DGCR2: variants seen among roughly 807,000 people sequenced by gnomAD.
DGCR2 encodes DiGeorge syndrome critical region gene 2.
Under a neutral mutation model 51.6 loss-of-function variants are expected in DGCR2, and 24 were observed. That is an observed-to-expected ratio of 0.47 (90% CI 0.34 to 0.65). The LOEUF (loss-of-function observed/expected upper bound fraction) is 0.65, where lower values mean the gene tolerates loss of function less well. Among genes scored for constraint, DGCR2 ranks in the 30% least tolerant of loss-of-function variants. DGCR2 has a pLI of 0.01. For missense variants in DGCR2, 765 were observed against 772.1 expected, an observed-to-expected ratio of 0.99 and a Z score of 0.11; for synonymous variants, 340 against 315.4, an observed-to-expected ratio of 1.08 and a Z score of -0.82.
At chr22:19,087,342 T>C (rs2083028394) in intron 2 of DGCR2, among the ~76,000 whole-genome samples, 1 of 152,146 alleles carries the variant, frequency 6.6e-6, no homozygotes, top group Non-Finnish European at 1.5e-5. Flanking sequence ...CATAATCTGA[T>C]GAAGAATGGG....
intron 2 of DGCR2, among the ~76,000 whole-genome samples, chr22:19,075,483 T>C (rs972612869): frequency 6.6e-6 from 1 of 151,700 alleles, no homozygotes; most frequent in Non-Finnish European, 1.5e-5. Context: ...AGTGGCATTA[T>C]TAAGTACCTT....
chr22:19,078,961 C>G lies in DGCR2; in HGVS notation c.202+10407G>C, dbSNP rs186527595. ...TGAAGCCATGTGGTTCAGGACTTTTCTTTGTTGAGAGGTTTTTGATTACTG... is the reference window on the plus strand; with the variant it reads ...TGAAGCCATGTGGTTCAGGACTTTTGTTTGTTGAGAGGTTTTTGATTACTG... On this transcript the variant is annotated intron_variant, in intron 2 of 9. Transcript: ENST00000263196. Among the ~76,000 whole-genome samples, 345 of 152,220 alleles carry G rather than the reference C, an allele frequency of 2.3e-3. 2 individuals carry two copies. In the Middle Eastern group the frequency reaches 0.024, roughly 11 times the overall value.
At chr22:19,046,944 A>G (rs2082496590) in intron 7 of DGCR2, 1 of 155,616 alleles carries the variant, frequency 6.4e-6, no homozygotes, top group Non-Finnish European at 1.4e-5. Flanking sequence ...GCACTGGTAG[A>G]CTCCTGAGAA....
intron 1 of DGCR2, among the ~76,000 whole-genome samples, chr22:19,092,503 G>C (rs1344061333): frequency 2.0e-5 from 3 of 152,122 alleles, no homozygotes; most frequent in African/African-American, 7.2e-5. Context: ...TTCTTTGAAA[G>C]ATGAAATGCA....
At chr22:19,096,560 A>T (rs1195794713) in intron 1 of DGCR2, among the ~76,000 whole-genome samples, 1 of 151,974 alleles carries the variant, frequency 6.6e-6, no homozygotes, top group Non-Finnish European at 1.5e-5. Flanking sequence ...AATATCATAT[A>T]TACCCCACAC....
chr22:19,040,089 A>G (rs2146299687), intron 9 of DGCR2, among the ~76,000 whole-genome samples: 1 of 152,190 alleles, frequency 6.6e-6, no homozygotes, highest in Non-Finnish European at 1.5e-5. Context: ...CCTCCCGGCC[A>G]GCCCCTCACA....
rs866508709 is a variant in DGCR2, at chr22:19,063,146, C to T, written c.625+56G>A. The T allele has an allele frequency of 2.4e-5, 37 of 1,540,596 alleles. No homozygotes were observed. The Middle Eastern group carries it at 2.4e-3, about 98-fold the overall frequency. ...GGGTAAGAGGGAGGAGGGGAGGCCC[C>T]GAATCAGGGTGACTCTGCCCAGCTT... On this transcript the variant is annotated intron_variant, in intron 5 of 9. Coordinates refer to ENST00000263196, the MANE Select transcript of DGCR2 (RefSeq NM_005137.3).
At chr22:19,063,705 C>G (rs961426618) in intron 4 of DGCR2, among the ~76,000 whole-genome samples, 2 of 152,052 alleles carry the variant, frequency 1.3e-5, no homozygotes, top group Non-Finnish European at 1.5e-5. Flanking sequence ...AAATTCAAAA[C>G]AAGAAAGTTC....
intron 5 of DGCR2, chr22:19,060,838 C>A (rs191486326): frequency 5.2e-5 from 27 of 514,298 alleles, no homozygotes; most frequent in Admixed American, 1.8e-4. Flanking sequence ...GGAGAGCGCT[C>A]CACCAAGGCG....
intron 1 of DGCR2, among the ~76,000 whole-genome samples, chr22:19,093,087 C>A (rs1361195668): frequency 1.3e-5 from 2 of 152,006 alleles, no homozygotes; most frequent in Non-Finnish European, 2.9e-5. Flanking sequence ...ATAGCCAGGC[C>A]CAGTGGCTCA....
At chr22:19,094,849 T>TA (rs1429630608) in intron 1 of DGCR2, among the ~76,000 whole-genome samples, 5 of 152,166 alleles carry the variant, frequency 3.3e-5, no homozygotes, top group Non-Finnish European at 7.3e-5. Flanking sequence ...AATCTCAAAA[T>TA]AATTATATTG....
chr22:19,041,987 T>C (rs1375711740), intron 7 of DGCR2, 28 bp from the exon 8 acceptor site: 5 of 1,605,112 alleles, frequency 3.1e-6, no homozygotes, highest in Non-Finnish European at 4.3e-6. Context: ...AAATGGCCGC[T>C]CTGAGAAGGG....
chr22:19,118,202 G>A (rs750615615), intron 1 of DGCR2, among the ~76,000 whole-genome samples: 17 of 151,874 alleles, frequency 1.1e-4, no homozygotes, highest in African/African-American at 3.4e-4. Flanking sequence ...GTGAAACCCC[G>A]TCTCTACTAA....
chr22:19,064,911 C>T lies in DGCR2; in HGVS notation c.485G>A (p.Arg162His), dbSNP rs141769676. 3.3e-5 allele frequency: 53 copies of T among 1,613,804 alleles called. No individual in the cohort carries two copies. The highest frequency in any genetic ancestry group is 5.3e-5 in the African/African-American group (4 of 74,952). The change falls in exon 4 of 10, where the codon CGC becomes CAC. Residue 162 changes from arginine (R) to histidine (H), a missense_variant. Transcript: ENST00000263196. The stretch of plus-strand genomic sequence containing the variant: ...GTCCCATTCCTGGGCCAGGACAAAG[C>T]GCAGCTCCTGGTCAGTGGAGAAGGT... Reference protein sequence around the residue: ...LATFSTDQELRFVLAQEWDQP... With the variant: ...LATFSTDQELHFVLAQEWDQP...
chr22:19,073,429 G>A (rs2082838779), intron 2 of DGCR2, among the ~76,000 whole-genome samples: 2 of 152,058 alleles, frequency 1.3e-5, no homozygotes, highest in Non-Finnish European at 2.9e-5. Flanking sequence ...CAATAATAAA[G>A]AGTTCCAGAA....
intron 1 of DGCR2, among the ~76,000 whole-genome samples, chr22:19,109,800 G>T (rs139574475): frequency 6.6e-6 from 1 of 152,278 alleles, no homozygotes; most frequent in African/African-American, 2.4e-5. Context: ...AAAAAACTGC[G>T]GTAGCAGTGG....
chr22:19,056,505 G>A (rs2082604083), intron 6 of DGCR2: 2 of 502,530 alleles, frequency 4.0e-6, no homozygotes, highest in South Asian at 4.5e-5. Flanking sequence ...CCCACCAAGA[G>A]CTCCTGAGAC....
chr22:19,121,432 G>C (rs937678075), intron 1 of DGCR2: 4 of 152,194 alleles, frequency 2.6e-5, no homozygotes, highest in African/African-American at 4.8e-5. Context: ...AGTTCAAGGG[G>C]AGGTACACCG....
chr22:19,068,914 C>G (rs1317863828), intron 2 of DGCR2, among the ~76,000 whole-genome samples: 1 of 152,246 alleles, frequency 6.6e-6, no homozygotes. Context: ...ACCAGTGCTT[C>G]CACCCACACA....
Sources: gnomAD v4.1 joint callset for allele counts (sites outside exome capture counted in the v4.1 genomes callset) on GRCh38, gnomAD v4.1.1 for gene constraint, MANE v1.5 for transcripts, NCBI Gene and HGNC (gene_info 2026-07-23, HGNC 2026-07-21) for gene names.